DLG2: variants seen among roughly 807,000 people sequenced by gnomAD.
DLG2 encodes the protein discs large MAGUK scaffold protein 2, also known as disks large homolog 2.
DLG2 carries 45 observed loss-of-function variants against 132.5 expected under a neutral mutation model. The ratio of observed to expected loss-of-function variants is 0.34; its 90% CI spans 0.27 to 0.44. The LOEUF (loss-of-function observed/expected upper bound fraction) is 0.44, where lower values mean the gene tolerates loss of function less well. Among genes scored for constraint, DLG2 ranks in the 20% least tolerant of loss-of-function variants. DLG2 has a pLI of 1.00. For synonymous variants in DLG2, 424 were observed against 419.6 expected, an observed-to-expected ratio of 1.01 and a Z score of -0.13; for missense variants, 1,045 against 1,196.9, an observed-to-expected ratio of 0.87 and a Z score of 1.87.
intron 6 of DLG2, among the ~76,000 whole-genome samples, chr11:84,548,775 A>C (rs143964273): frequency 6.4e-4 from 98 of 152,234 alleles, no homozygotes; most frequent in African/African-American, 2.2e-3. Context: ...ACACGAGCCC[A>C]TCTAAACCCC....
At chr11:85,321,001 T>C (rs949948006) in intron 3 of DLG2, among the ~76,000 whole-genome samples, 18 of 151,714 alleles carry the variant, frequency 1.2e-4, no homozygotes, top group African/African-American at 4.4e-4. Context: ...TAGTCTCATG[T>C]ATGGTCCAAA....
chr11:83,688,115 A>G (rs2080158507), intron 18 of DLG2, among the ~76,000 whole-genome samples: 1 of 152,182 alleles, frequency 6.6e-6, no homozygotes, highest in South Asian at 2.1e-4. Context: ...CTCATAAACA[A>G]AGTGTCCACG....
intron 6 of DLG2, among the ~76,000 whole-genome samples, chr11:84,594,121 T>A (rs922738057): frequency 6.6e-6 from 1 of 152,102 alleles, no homozygotes; most frequent in Non-Finnish European, 1.5e-5. Context: ...ATCCTTAGAA[T>A]AGGAAATAAT....
chr11:85,462,184 C>CA (rs1192888755), intron 3 of DLG2, among the ~76,000 whole-genome samples: 3 of 152,202 alleles, frequency 2.0e-5, no homozygotes, highest in African/African-American at 7.2e-5. Flanking sequence ...GAAATAGGAA[C>CA]ACTTCTACAC....
At chr11:84,343,098 A>C (rs930834393) in intron 7 of DLG2, among the ~76,000 whole-genome samples, 1 of 152,232 alleles carries the variant, frequency 6.6e-6, no homozygotes, top group Non-Finnish European at 1.5e-5. Context: ...TAATGTGGGA[A>C]CATGGGTACA....
intron 19 of DLG2, among the ~76,000 whole-genome samples, chr11:83,586,123 G>A (rs776546583): frequency 6.6e-6 from 1 of 152,200 alleles, no homozygotes; most frequent in Non-Finnish European, 1.5e-5. Flanking sequence ...GGTGCTTCAG[G>A]ACAGCTAGAG....
At chr11:83,743,709 C>G (rs1054505316) in intron 18 of DLG2, among the ~76,000 whole-genome samples, 1 of 152,102 alleles carries the variant, frequency 6.6e-6, no homozygotes, top group African/African-American at 2.4e-5. Context: ...GGGGAGATTA[C>G]AGGCATGAGT....
chr11:84,501,251 T>A (rs1261658214), intron 7 of DLG2, among the ~76,000 whole-genome samples: 1 of 152,212 alleles, frequency 6.6e-6, no homozygotes, highest in Non-Finnish European at 1.5e-5. Flanking sequence ...ATTTCCTAAG[T>A]AGATTCTGAA....
chr11:84,590,829 A>G (rs1336084683), intron 6 of DLG2, among the ~76,000 whole-genome samples: 1 of 152,194 alleles, frequency 6.6e-6, no homozygotes, highest in Non-Finnish European at 1.5e-5. Flanking sequence ...TATACTGATT[A>G]ACCAAATAAT....
At chr11:84,364,935 T>G (rs1350123288) in intron 7 of DLG2, among the ~76,000 whole-genome samples, 1 of 152,172 alleles carries the variant, frequency 6.6e-6, no homozygotes, top group Non-Finnish European at 1.5e-5. Flanking sequence ...TGAGGATTTT[T>G]GCATCAATGA....
chr11:84,235,783 T>C (rs150535196), intron 8 of DLG2, among the ~76,000 whole-genome samples: 9 of 152,276 alleles, frequency 5.9e-5, no homozygotes, highest in African/African-American at 2.2e-4. Context: ...GGTAGTATAA[T>C]GCTATTCTTA....
At chr11:85,280,517 T>A (rs189461602) in intron 4 of DLG2, among the ~76,000 whole-genome samples, 17 of 152,228 alleles carry the variant, frequency 1.1e-4, no homozygotes, top group Admixed American at 7.9e-4. Flanking sequence ...GTAACACTGT[T>A]AGTAATATAA....
Position 85,152,243 on chromosome 11 carries a change from A to T in DLG2, c.282+2313T>A, listed in dbSNP as rs1023423929. ...AGAACTCATAAGTTATTTATTTATT[A>T]ATTTTTTTTTTTTTTGAGATGGAGT... On this transcript the variant is annotated intron_variant, in intron 5 of 27. Transcript: ENST00000376104. Among the ~76,000 whole-genome samples the T allele has an allele frequency of 6.0e-5, 9 of 149,110 alleles. No homozygotes were observed. In the East Asian group the frequency reaches 1.6e-3, roughly 26 times the overall value.
intron 4 of DLG2, among the ~76,000 whole-genome samples, chr11:85,227,894 G>A (rs2075068879): frequency 6.6e-6 from 1 of 151,966 alleles, no homozygotes; most frequent in African/African-American, 2.4e-5. Context: ...GTATTCAGCA[G>A]GTACACTCCT....
intron 6 of DLG2, among the ~76,000 whole-genome samples, chr11:84,876,062 A>T (rs1275204138): frequency 6.6e-6 from 1 of 151,976 alleles, no homozygotes; most frequent in African/African-American, 2.4e-5. Flanking sequence ...CACTTGCGTT[A>T]TTATTACTGT....
chr11:85,472,284 C>G (rs1319895309), intron 3 of DLG2, among the ~76,000 whole-genome samples: 1 of 152,046 alleles, frequency 6.6e-6, no homozygotes, highest in Non-Finnish European at 1.5e-5. Flanking sequence ...CAGGTCCTCT[C>G]AACTGAGAAC....
chr11:84,445,767 T>C (rs2099032037), intron 7 of DLG2, among the ~76,000 whole-genome samples: 1 of 151,664 alleles, frequency 6.6e-6, no homozygotes, highest in African/African-American at 2.4e-5. Context: ...ATACAAAAAA[T>C]TAGCCGGGTG....
chr11:85,119,545 T>C (rs538178733), intron 5 of DLG2, among the ~76,000 whole-genome samples: 51 of 152,104 alleles, frequency 3.4e-4, no homozygotes, highest in African/African-American at 1.1e-3. Flanking sequence ...ATTGTACTTT[T>C]CTCCTTGCAA....
chr11:84,317,799 T>C (rs535433309), intron 7 of DLG2, among the ~76,000 whole-genome samples: 2 of 152,312 alleles, frequency 1.3e-5, no homozygotes, highest in South Asian at 4.1e-4. Context: ...CTGAAGAACA[T>C]AAATTCATTT....
Sources: allele counts gnomAD v4.1 joint callset (sites outside exome capture counted in the v4.1 genomes callset), GRCh38; gene constraint gnomAD v4.1.1; transcripts MANE v1.5; gene names NCBI Gene and HGNC (gene_info 2026-07-23, HGNC 2026-07-21).